RPS6KA3: variants seen among roughly 807,000 people sequenced by gnomAD.
RPS6KA3 encodes the protein ribosomal protein S6 kinase A3, also known as ribosomal protein S6 kinase alpha-3.
RPS6KA3 carries 4 observed loss-of-function variants against 67.2 expected under a neutral mutation model. That is an observed-to-expected ratio of 0.06 (90% CI 0.03 to 0.14). The LOEUF is 0.14. Among genes scored for constraint, RPS6KA3 ranks in the 10% least tolerant of loss-of-function variants. The probability of loss-of-function intolerance (pLI) is 1.00; values close to 1 mark genes in which losing one functional copy is unlikely to be tolerated. For synonymous variants in RPS6KA3, 182 were observed against 183.7 expected (o/e 0.99, Z 0.07); for missense variants, 204 against 559.0 (o/e 0.36, Z 6.40).
chrX:20,219,571 C>CA (rs1369816255), intron 2 of RPS6KA3, among the ~76,000 whole-genome samples: 1 of 111,478 alleles, frequency 9.0e-6, no homozygotes, highest in Non-Finnish European at 1.9e-5. Flanking sequence ...GTTAAAAACT[C>CA]ACATTCCTAG....
Position 20,175,263 on chromosome X carries a change from A to G in RPS6KA3, c.1128T>C (p.Ala376=), listed in dbSNP as rs1457167991. 8.3e-7 allele frequency: 1 copy of G among 1,209,380 alleles called. No homozygotes were observed. The highest frequency in any genetic ancestry group is 1.1e-6 in the Non-Finnish European group (1 of 892,952). ...PKDSPGIPPS[A]NAHQLFRGFS... ...ACCCCCGAAAAAGCTGATGTGCATT[A>G]GCACTAGGTGGAATGCCAGGTGAAT... The change falls in exon 14 of 22, where the codon GCT becomes GCC. Residue 376 remains alanine (A), a synonymous_variant. Transcript: ENST00000379565.
At position 20,188,509 on chromosome X, in the gene RPS6KA3, T is replaced by C; in HGVS notation, c.619A>G (p.Ile207Val). Residue 207 changes from isoleucine to valine, a missense_variant, in exon 8 of 22, where the codon ATC (isoleucine) becomes GTC (valine). Around this residue, in one of 4 missense-constraint regions of RPS6KA3, gnomAD observed 76 missense variants for 250.3 expected, o/e 0.30. Transcript: ENST00000379565. ...ATTTTTTTTTTACCTGTTAACTTGATGTGACCTTCTTCATCAAGAAGTATA... is the reference window on the plus strand; with the variant it reads ...ATTTTTTTTTTACCTGTTAACTTGACGTGACCTTCTTCATCAAGAAGTATA... ...ENILLDEEGH[I>V]KLTDFGLSKE... is the part of the protein sequence containing the mutation. The C allele has an allele frequency of 9.8e-7, 1 of 1,025,099 alleles. No homozygotes were observed. The highest frequency in any genetic ancestry group is 1.9e-5 in the South Asian group (1 of 51,568). 84.5% of individuals were successfully genotyped at this position (1,025,099 alleles called of 1,213,427 possible). A position where few individuals can be genotyped will look rare whatever the true frequency, so the allele number is the denominator to read the frequency against.
In RPS6KA3 at chrX:20,194,184, T is replaced by C. The variant is rs1361196144; in HGVS notation, c.486+5A>G. The C allele has an allele frequency of 5.5e-6, 6 of 1,093,968 alleles. No homozygotes were observed. Among genetic ancestry groups the C allele is most frequent in the Non-Finnish European group, 7.6e-6 (6 of 788,824 alleles). The allele number at this position is 1,093,968 out of a possible 1,213,427, so 90.2% of individuals were successfully genotyped here. ...ATAGACTAAAAATAGAGATTAATTATATACCTCTTTGGATAAGCGTGTAAA... is the reference window on the plus strand; with the variant it reads ...ATAGACTAAAAATAGAGATTAATTACATACCTCTTTGGATAAGCGTGTAAA... On this transcript the variant is annotated splice_donor_5th_base_variant and intron_variant, in intron 6 of 21. Transcript: ENST00000379565.
At chrX:20,192,137 G>A (rs1305954629) in intron 7 of RPS6KA3, among the ~76,000 whole-genome samples, 4 of 110,877 alleles carry the variant, frequency 3.6e-5, no homozygotes, top group African/African-American at 6.6e-5. Context: ...AGCAAGGCTC[G>A]TGCTTATATG....
At chrX:20,259,163 T>C (rs1398494035) in intron 1 of RPS6KA3, among the ~76,000 whole-genome samples, 2 of 111,999 alleles carry the variant, frequency 1.8e-5, no homozygotes, top group Non-Finnish European at 3.8e-5. Flanking sequence ...TTGGAAACTG[T>C]AACTTTTTTA....
chrX:20,179,331 T>C (rs1163279143), intron 10 of RPS6KA3, among the ~76,000 whole-genome samples: 1 of 111,387 alleles, frequency 9.0e-6, no homozygotes, highest in Non-Finnish European at 1.9e-5. Context: ...TAATGCCTGG[T>C]AAATTCATGT....
intron 2 of RPS6KA3, among the ~76,000 whole-genome samples, chrX:20,211,277 TA>T (rs1162167777): frequency 9.0e-6 from 1 of 111,594 alleles, no homozygotes; most frequent in Non-Finnish European, 1.9e-5. Context: ...ACACATACTC[TA>T]AAAACAAACT....
chrX:20,179,030 G>T (rs978649531), intron 10 of RPS6KA3, among the ~76,000 whole-genome samples: 5 of 110,944 alleles, frequency 4.5e-5, no homozygotes, highest in Non-Finnish European at 9.4e-5. Context: ...GATAGTATGG[G>T]TAAGAGGTCA....
rs2067470618 is a variant in RPS6KA3 at position 20,167,488 on chromosome X, T to C, written c.1602+101A>G. The C allele has an allele frequency of 2.4e-5, 19 of 786,769 alleles. 1 individual carries two copies. The South Asian group carries it at 3.8e-4, about 16-fold the overall frequency. 64.8% of individuals were successfully genotyped at this position (786,769 alleles called of 1,213,427 possible). ...GTAGGATAATTCAGCTAATAGCAGT[T>C]ATTTTCCATTTCAGGCATAAAGTAA... On this transcript the variant is annotated intron_variant, in intron 17 of 21. Transcript: ENST00000379565.
chrX:20,261,757 G>C (rs769050108), intron 1 of RPS6KA3, among the ~76,000 whole-genome samples: 1 of 111,829 alleles, frequency 8.9e-6, no homozygotes, highest in East Asian at 2.8e-4. Context: ...ATTAAATAGG[G>C]TAGTTTTTCT....
At chrX:20,242,744 G>C (rs920146295) in intron 1 of RPS6KA3, among the ~76,000 whole-genome samples, 1 of 112,058 alleles carries the variant, frequency 8.9e-6, no homozygotes, top group Admixed American at 9.5e-5. Context: ...GATGTTTTAT[G>C]AGTGATGATA....
At chrX:20,213,058 T>G (rs1169788027) in intron 2 of RPS6KA3, among the ~76,000 whole-genome samples, 2 of 112,097 alleles carry the variant, frequency 1.8e-5, no homozygotes, top group Non-Finnish European at 3.8e-5. Context: ...TTAAATGCAC[T>G]GCTTCACCTT....
At chrX:20,207,841 G>T (rs188492036) in intron 3 of RPS6KA3, among the ~76,000 whole-genome samples, 1 of 112,197 alleles carries the variant, frequency 8.9e-6, no homozygotes, top group East Asian at 2.8e-4. Flanking sequence ...TGTTAGCCAA[G>T]AATTGCTAAA....
chrX:20,178,328 A>G (rs1301054960), intron 10 of RPS6KA3, among the ~76,000 whole-genome samples: 1 of 111,566 alleles, frequency 9.0e-6, no homozygotes, highest in Non-Finnish European at 1.9e-5. Context: ...ATTTTACTGA[A>G]TAACATTAAT....
intron 20 of RPS6KA3, among the ~76,000 whole-genome samples, chrX:20,161,010 G>C (rs935698013): frequency 4.5e-5 from 5 of 111,468 alleles, no homozygotes; most frequent in African/African-American, 1.3e-4. Context: ...AAATAGAACA[G>C]AGTTGGAGAG....
At position 20,153,792 on chromosome X, in the gene RPS6KA3, G is replaced by C. The variant is rs1352918835; in HGVS notation, c.*1606C>G. 1 of 110,321 alleles carries C rather than the reference G, an allele frequency of 9.1e-6. No individual in the cohort carries two copies. The highest frequency in any genetic ancestry group is 1.9e-5 in the Non-Finnish European group (1 of 52,785). 9.1% of individuals were successfully genotyped at this position (110,321 alleles called of 1,213,427 possible). On this transcript the variant is annotated 3_prime_UTR_variant, in exon 22 of 22. Coordinates refer to ENST00000379565, the MANE Select transcript of RPS6KA3 (RefSeq NM_004586.3). ...ACGCCACCATGCCCAGCTAATTTTT[G>C]TATTTTTTAGTAGAGACGGGGTTTC...
rs775121758 is a variant in RPS6KA3, at chrX:20,176,989, T to G, written c.934+7A>C. ...TACAACATAAACAAATTAGTTAAAA[T>G]TTTTACCTAATCTGTTTGCAGGATT... On this transcript the variant is annotated splice_region_variant and intron_variant, in intron 11 of 21. Transcript: ENST00000379565. The G allele has an allele frequency of 8.6e-7, 1 of 1,167,845 alleles. No individual in the cohort carries two copies. The highest frequency in any genetic ancestry group is 1.2e-6 in the Non-Finnish European group (1 of 855,630).
At chrX:20,253,017 C>T (rs1047060807) in intron 1 of RPS6KA3, among the ~76,000 whole-genome samples, 21 of 110,944 alleles carry the variant, frequency 1.9e-4, no homozygotes, top group Admixed American at 5.7e-4. Flanking sequence ...TACTAGACCC[C>T]ACTGCTGCTA....
chrX:20,223,212 A>C (rs750090322), intron 2 of RPS6KA3, among the ~76,000 whole-genome samples: 9 of 111,591 alleles, frequency 8.1e-5, no homozygotes, highest in Non-Finnish European at 1.5e-4. Flanking sequence ...TATATTCATA[A>C]ATTAAACTGG....
Sources: allele counts gnomAD v4.1 joint callset (sites outside exome capture counted in the v4.1 genomes callset), GRCh38; gene constraint gnomAD v4.1.1; regional missense constraint gnomAD v4.1.1; transcripts MANE v1.5; gene names NCBI Gene and HGNC (gene_info 2026-07-23, HGNC 2026-07-21).